Variants in NEK11 observed in about 807,000 individuals in gnomAD.
The protein encoded by NEK11 is serine/threonine-protein kinase Nek11.
NEK11 carries 72 observed loss-of-function variants against 80.7 expected under a neutral mutation model. That is an observed-to-expected ratio of 0.89 (90% CI 0.74 to 1.08). The LOEUF (loss-of-function observed/expected upper bound fraction) is 1.08. Ranked by LOEUF, NEK11 falls within the 50% of genes least tolerant of loss-of-function variation. NEK11 has a pLI of 0.00. For missense variants in NEK11, 764 were observed against 763.6 expected (o/e 1.00, Z -0.01); for synonymous variants, 251 against 260.7 (o/e 0.96, Z 0.36).
At chr3:131,175,504 T>C (rs1215215490) in intron 14 of NEK11, among the ~76,000 whole-genome samples, 1 of 152,202 alleles carries the variant, frequency 6.6e-6, no homozygotes, top group East Asian at 1.9e-4. Flanking sequence ...GTAAAAGAGT[T>C]CATACTGAAT....
chr3:131,276,772 G>A (rs1361112540), intron 17 of NEK11, among the ~76,000 whole-genome samples: 2 of 152,022 alleles, frequency 1.3e-5, no homozygotes, highest in Admixed American at 6.6e-5. Flanking sequence ...TTGAATTCAG[G>A]AAATTTCACA....
intron 3 of NEK11, among the ~76,000 whole-genome samples, chr3:131,055,613 C>T (rs184811368): frequency 2.7e-4 from 41 of 152,142 alleles, no homozygotes; most frequent in Non-Finnish European, 3.8e-4. Flanking sequence ...GCCTGTAGTC[C>T]TAGCTACTGG....
At chr3:131,126,352 C>T (rs112487389) in intron 5 of NEK11, among the ~76,000 whole-genome samples, 39 of 152,224 alleles carry the variant, frequency 2.6e-4, no homozygotes, top group African/African-American at 8.2e-4. Flanking sequence ...CCTTAAGTTA[C>T]GTGAATGATA....
intron 17 of NEK11, among the ~76,000 whole-genome samples, chr3:131,296,912 T>C (rs2096600088): frequency 6.6e-6 from 1 of 151,480 alleles, no homozygotes; most frequent in Admixed American, 6.6e-5. Flanking sequence ...ATATGCCGTG[T>C]TTGGTTTTTT....
At chr3:131,114,512 T>C (rs1437802609) in intron 5 of NEK11, among the ~76,000 whole-genome samples, 1 of 152,198 alleles carries the variant, frequency 6.6e-6, no homozygotes. Context: ...GGAGCAGCCC[T>C]ATCCAGGACA....
intron 15 of NEK11, among the ~76,000 whole-genome samples, chr3:131,235,132 G>A (rs777512870): frequency 1.3e-5 from 2 of 152,200 alleles, no homozygotes; most frequent in Non-Finnish European, 2.9e-5. Context: ...AGGTCCACAG[G>A]TCAATGGGCA....
At chr3:131,172,555 T>C (rs1038834833) in intron 14 of NEK11, among the ~76,000 whole-genome samples, 2 of 152,234 alleles carry the variant, frequency 1.3e-5, no homozygotes, top group Non-Finnish European at 2.9e-5. Flanking sequence ...CAAATATATA[T>C]TTCAGATGGA....
intron 16 of NEK11, among the ~76,000 whole-genome samples, chr3:131,271,815 G>T (rs942466957): frequency 2.1e-4 from 31 of 145,236 alleles, no homozygotes; most frequent in Non-Finnish European, 2.3e-4. Context: ...AAAAGGTCGG[G>T]TGTGGTGGCT....
At chr3:131,205,250 T>C (rs773616217) in intron 14 of NEK11, among the ~76,000 whole-genome samples, 1 of 152,274 alleles carries the variant, frequency 6.6e-6, no homozygotes, top group South Asian at 2.1e-4. Flanking sequence ...AAATAAGAAA[T>C]GAAAGTGTTG....
intron 7 of NEK11, among the ~76,000 whole-genome samples, chr3:131,145,302 G>A (rs951639527): frequency 1.3e-5 from 2 of 152,114 alleles, no homozygotes; most frequent in South Asian, 4.1e-4. Flanking sequence ...ACTGTGCCTG[G>A]CCTACCACAT....
At chr3:131,208,527 G>A (rs963715910) in intron 14 of NEK11, among the ~76,000 whole-genome samples, 2 of 152,084 alleles carry the variant, frequency 1.3e-5, no homozygotes, top group Admixed American at 6.6e-5. Context: ...TGATGGGGAT[G>A]GCATTGAATC....
intron 3 of NEK11, among the ~76,000 whole-genome samples, chr3:131,052,345 A>G (rs2068574411): frequency 1.3e-5 from 2 of 152,152 alleles, no homozygotes; most frequent in African/African-American, 4.8e-5. Context: ...ACTGCAGTGG[A>G]TAACCCTGAA....
At chr3:131,101,972 A>T (rs1350127765) in intron 4 of NEK11, among the ~76,000 whole-genome samples, 10 of 152,132 alleles carry the variant, frequency 6.6e-5, no homozygotes, top group Middle Eastern at 3.2e-3. Flanking sequence ...TCATTATGTA[A>T]TGTCCTTCTG....
At chr3:131,130,402 T>G (rs1360224794) in intron 5 of NEK11, among the ~76,000 whole-genome samples, 1 of 152,206 alleles carries the variant, frequency 6.6e-6, no homozygotes, top group Non-Finnish European at 1.5e-5. Flanking sequence ...TGTTTTTTCC[T>G]TTCCCATCTC....
At chr3:131,314,090 T>G (rs1289817656) in intron 17 of NEK11, among the ~76,000 whole-genome samples, 1 of 152,114 alleles carries the variant, frequency 6.6e-6, no homozygotes, top group Non-Finnish European at 1.5e-5. Flanking sequence ...TCTCCAGAAA[T>G]ATCTCATTGC....
At chr3:131,255,361 C>G (rs539546015) in intron 16 of NEK11, among the ~76,000 whole-genome samples, 1 of 152,230 alleles carries the variant, frequency 6.6e-6, no homozygotes, top group East Asian at 1.9e-4. Context: ...ATACCCAGTT[C>G]TACATTTCAA....
intron 7 of NEK11, chr3:131,134,168 T>C (rs1560571911): frequency 2.5e-6 from 1 of 400,096 alleles, no homozygotes; most frequent in East Asian, 4.0e-5. Flanking sequence ...TGATAATTGG[T>C]TGGTTTTGGA....
intron 17 of NEK11, among the ~76,000 whole-genome samples, chr3:131,313,637 AG>A (rs1561498552): frequency 6.6e-6 from 1 of 152,184 alleles, no homozygotes. Context: ...AGTAAGACAT[AG>A]GAAGTTTTCA....
chr3:131,349,566 G>C lies in NEK11; in HGVS notation c.1728G>C (p.Met576Ile). Residue 576 changes from methionine (M) to isoleucine (I), a missense_variant, in exon 18 of 18, where the codon ATG (methionine) becomes ATC (isoleucine). Transcript: ENST00000383366. ...GTAACTTTTTTGACAGATCAGCCAT[G>C]CAGAAGCTGGGGACAGAAGTATTTG... is the stretch of plus-strand genomic sequence containing the variant. The part of the protein sequence containing the change: ...TKMKRMRESA[M>I]QKLGTEVFEE... 6.2e-7 allele frequency: 1 copy of C among 1,613,752 alleles called. No individual in the cohort carries two copies. The highest frequency in any genetic ancestry group is 8.5e-7 in the Non-Finnish European group (1 of 1,179,762).
Sources: allele counts gnomAD v4.1 joint callset (sites outside exome capture counted in the v4.1 genomes callset), GRCh38; gene constraint gnomAD v4.1.1; transcripts MANE v1.5; gene names NCBI Gene and HGNC (gene_info 2026-07-23, HGNC 2026-07-21).